Variants in TCF7L1 observed in about 807,000 individuals in gnomAD.
The protein encoded by TCF7L1 is transcription factor 7 like 1.
TCF7L1 carries 18 observed loss-of-function variants against 63.7 expected under a neutral mutation model. The ratio of observed to expected loss-of-function variants is 0.28; its 90% confidence interval spans 0.20 to 0.42. The LOEUF is 0.42. Among genes scored for constraint, TCF7L1 ranks in the 10% least tolerant of loss-of-function variants. The pLI is 1.00. For synonymous variants in TCF7L1, 355 were observed against 340.9 expected (o/e 1.04, Z -0.46); for missense variants, 654 against 779.3 (o/e 0.84, Z 1.91).
At chr2:85,208,063 C>T (rs1383056654) in intron 3 of TCF7L1, among the ~76,000 whole-genome samples, 1 of 152,058 alleles carries the variant, frequency 6.6e-6, no homozygotes, top group Non-Finnish European at 1.5e-5. Context: ...CCCGCCACCA[C>T]ACATGGCCAA....
intron 3 of TCF7L1, among the ~76,000 whole-genome samples, chr2:85,220,912 T>A (rs1379304476): frequency 3.9e-5 from 6 of 152,130 alleles, no homozygotes; most frequent in Non-Finnish European, 5.9e-5. Context: ...CAAATCCCAT[T>A]TCCCAGTTAA....
chr2:85,302,730 C>T, intron 5 of TCF7L1, 114 bp downstream of exon 5: 2 of 1,366,732 alleles, frequency 1.5e-6, no homozygotes, highest in Non-Finnish European at 2.0e-6. Flanking sequence ...GGCTCTTTGT[C>T]TCAGGAGTCT....
chr2:85,215,113 A>G (rs1430285460), intron 3 of TCF7L1, among the ~76,000 whole-genome samples: 1 of 152,200 alleles, frequency 6.6e-6, no homozygotes, highest in Non-Finnish European at 1.5e-5. Flanking sequence ...CTGGGGCATC[A>G]AGGTCAAGCA....
At chr2:85,203,563 C>CA (rs201002550) in intron 3 of TCF7L1, among the ~76,000 whole-genome samples, 25 of 150,946 alleles carry the variant, frequency 1.7e-4, no homozygotes, top group African/African-American at 3.9e-4. Flanking sequence ...CCTGTCTCTA[C>CA]AAAAAAAAAT....
chr2:85,188,780 C>T (rs1291673866), intron 3 of TCF7L1, among the ~76,000 whole-genome samples: 1 of 152,118 alleles, frequency 6.6e-6, no homozygotes, highest in African/African-American at 2.4e-5. Flanking sequence ...GTATCTTGGT[C>T]CACTCACAAA....
At position 85,299,860 on chromosome 2, in the gene TCF7L1, AACACACACAC is replaced by A. The variant is rs61569778; in HGVS notation, c.526-2589_526-2580del. 5.1e-4 allele frequency among the ~76,000 whole-genome samples: 47 copies of A among 92,756 alleles called. 1 individual carries two copies. The highest frequency in any genetic ancestry group is 6.2e-4 in the African/African-American group (14 of 22,550). The allele number at this position is 92,756 out of a possible 152,430, so 60.9% of individuals were successfully genotyped here. On this transcript the variant is annotated intron_variant, in intron 4 of 11. Transcript: ENST00000282111. ...GGCAACAGAGCGAGACCTTGTCTCAAACACACACACACACACACACACACACACACACACA... is the reference window on the plus strand; with the variant it reads ...GGCAACAGAGCGAGACCTTGTCTCAAACACACACACACACACACACACACA...
intron 3 of TCF7L1, among the ~76,000 whole-genome samples, chr2:85,181,900 G>A (rs574475659): frequency 1.3e-5 from 2 of 152,274 alleles, no homozygotes; most frequent in South Asian, 2.1e-4. Context: ...TACAAGGCAT[G>A]CTGAATGCAG....
chr2:85,204,182 G>A (rs1413338976), intron 3 of TCF7L1, among the ~76,000 whole-genome samples: 2 of 151,122 alleles, frequency 1.3e-5, no homozygotes, highest in Non-Finnish European at 2.9e-5. Flanking sequence ...GCTATTTGGT[G>A]TGTGTTCTTC....
At chr2:85,212,773 C>T (rs530000142) in intron 3 of TCF7L1, among the ~76,000 whole-genome samples, 107 of 152,194 alleles carry the variant, frequency 7.0e-4, no homozygotes, top group African/African-American at 2.5e-3. Flanking sequence ...GGAAGGATGT[C>T]ATCACCCCCA....
chr2:85,214,758 C>T (rs1384453246), intron 3 of TCF7L1, among the ~76,000 whole-genome samples: 1 of 152,004 alleles, frequency 6.6e-6, no homozygotes, highest in East Asian at 1.9e-4. Context: ...ACAGGGGCTC[C>T]CCGAGTTTTA....
chr2:85,141,599 C>T (rs1574075874), intron 3 of TCF7L1, among the ~76,000 whole-genome samples: 1 of 152,126 alleles, frequency 6.6e-6, no homozygotes, highest in East Asian at 1.9e-4. Context: ...GGAGGAGCCG[C>T]AAGTTTGGGA....
intron 3 of TCF7L1, among the ~76,000 whole-genome samples, chr2:85,155,815 A>G (rs998710669): frequency 5.3e-5 from 8 of 151,376 alleles, no homozygotes; most frequent in Non-Finnish European, 8.8e-5. Flanking sequence ...TCTGCACCCC[A>G]CTCTAACATT....
chr2:85,221,931 T>TA (rs58252836), intron 3 of TCF7L1, among the ~76,000 whole-genome samples: 35,560 of 141,754 alleles, frequency 0.25, 7,942 homozygotes, highest in African/African-American at 0.61. Flanking sequence ...AATCCAGACT[T>TA]AAAAAAAAAA....
intron 7 of TCF7L1, 90 bp from the exon 8 acceptor site, chr2:85,305,170 C>G (rs1682077568): frequency 2.5e-6 from 4 of 1,579,948 alleles, no homozygotes; most frequent in Middle Eastern, 1.7e-4. Context: ...TGCCTGTGCC[C>G]TTAAGGCAGA....
intron 3 of TCF7L1, among the ~76,000 whole-genome samples, chr2:85,229,339 C>G (rs971474926): frequency 4.6e-5 from 7 of 152,092 alleles, no homozygotes; most frequent in Non-Finnish European, 8.8e-5. Flanking sequence ...GAGCGAGACT[C>G]CGTCTCAAAA....
At chr2:85,295,775 C>CT (rs56373561) in intron 4 of TCF7L1, among the ~76,000 whole-genome samples, 5,670 of 100,798 alleles carry the variant, frequency 0.056, 802 homozygotes, top group African/African-American at 0.19. Flanking sequence ...GTAACATTTA[C>CT]TTTTTTTTTT....
chr2:85,144,990 C>T (rs1677845235), intron 3 of TCF7L1, among the ~76,000 whole-genome samples: 2 of 149,372 alleles, frequency 1.3e-5, no homozygotes, highest in East Asian at 2.0e-4. Context: ...GAGGCTGAGG[C>T]GGGAGAATTG....
At chr2:85,249,186 A>G (rs892858861) in intron 3 of TCF7L1, among the ~76,000 whole-genome samples, 3 of 152,236 alleles carry the variant, frequency 2.0e-5, no homozygotes, top group African/African-American at 7.2e-5. Context: ...TGTGTGCTGA[A>G]TGCAGAAAGT....
At chr2:85,168,777 A>G (rs1678480413) in intron 3 of TCF7L1, among the ~76,000 whole-genome samples, 1 of 152,132 alleles carries the variant, frequency 6.6e-6, no homozygotes, top group Non-Finnish European at 1.5e-5. Context: ...ACCCGCTACC[A>G]CACCCGGCTA....
Sources: gnomAD v4.1 joint callset for allele counts (sites outside exome capture counted in the v4.1 genomes callset) on GRCh38, gnomAD v4.1.1 for gene constraint, MANE v1.5 for transcripts, NCBI Gene and HGNC (gene_info 2026-07-23, HGNC 2026-07-21) for gene names.